Variants in PLXNB2 observed in about 807,000 individuals in gnomAD.
The protein encoded by PLXNB2 is plexin B2.
In PLXNB2, 85 loss-of-function variants were observed where a neutral mutation model predicts 202.6. That is an observed-to-expected ratio of 0.42 (90% CI 0.35 to 0.50). The LOEUF (loss-of-function observed/expected upper bound fraction) is 0.50. PLXNB2 is among the 20% of genes least tolerant of loss of function. PLXNB2 has a pLI of 0.02. For missense variants in PLXNB2, 2,063 were observed against 2,586.2 expected (o/e 0.80, Z 4.39); for synonymous variants, 1,239 against 1,137.6 (o/e 1.09, Z -1.79).
At chr22:50,278,401 G>C (rs1033899179) in intron 30 of PLXNB2, 34 bp downstream of exon 30, 1 of 1,559,258 alleles carries the variant, frequency 6.4e-7, no homozygotes, top group Non-Finnish European at 8.7e-7. Context: ...ACCACCAGGG[G>C]CTGGAAGGAA....
At chr22:50,301,936 T>A (rs1359893042) in intron 1 of PLXNB2, among the ~76,000 whole-genome samples, 2 of 152,190 alleles carry the variant, frequency 1.3e-5, no homozygotes, top group Non-Finnish European at 2.9e-5. Context: ...CATGGCTGGG[T>A]GCTGCCGGAA....
At position 50,279,010 on chromosome 22, in the gene PLXNB2, G is replaced by A. The variant is rs764957819; in HGVS notation, c.4391C>T (p.Thr1464Met). The change falls in exon 28 of 37, where the codon ACG becomes ATG. Residue 1464 changes from threonine (T) to methionine (M), a missense_variant and splice_region_variant. Physicochemically the swap from Thr to Met is moderately conservative, Grantham distance 81. Transcript: ENST00000359337. ...LGDDVEYAPL[T>M]VSVIVQDEGV... ...CTCGTCCTGCACGATCACGCTCACC[G>A]TCTGCCGAGACATCCGGGATGAAGC... 35 of 1,603,728 alleles carry A rather than the reference G, an allele frequency of 2.2e-5. No individual in the cohort carries two copies. The highest frequency in any genetic ancestry group is 6.7e-5 in the East Asian group (3 of 44,758).
At chr22:50,300,180 G>A (rs1465482526) in intron 1 of PLXNB2, 8 of 782,178 alleles carry the variant, frequency 1.0e-5, no homozygotes, top group Non-Finnish European at 1.1e-5. Context: ...CGGGGGCCCA[G>A]GACGCGCGGG....
At position 50,284,878 on chromosome 22, in the gene PLXNB2, G is replaced by GGT. The variant is rs554119304; in HGVS notation, c.2089-214_2089-213insAC. ...GCAGAAGCCTCTGAACGTCCTCTGTGGGTTTCCCACGGCCACCTCCACCAC... is the reference window on the plus strand; with the variant it reads ...GCAGAAGCCTCTGAACGTCCTCTGTGGTGGTTTCCCACGGCCACCTCCACCAC... On this transcript the variant is annotated intron_variant, in intron 11 of 36. Coordinates refer to ENST00000359337, the MANE Select transcript of PLXNB2 (RefSeq NM_012401.4). The surrounding 1 kb of genome is among the most constrained non-coding windows in gnomAD (Gnocchi z 8.0). 5.6e-4 allele frequency: 380 copies of GGT among 679,870 alleles called. 2 individuals carry two copies. Among genetic ancestry groups the GGT allele is most frequent in the Middle Eastern group, 1.7e-3 (7 of 4,146 alleles). 42.1% of individuals were successfully genotyped at this position (679,870 alleles called of 1,614,324 possible). A position where few individuals can be genotyped will look rare whatever the true frequency, so the allele number is the denominator to read the frequency against.
chr22:50,299,361 G>C (rs1412227672), intron 1 of PLXNB2, among the ~76,000 whole-genome samples: 2 of 151,956 alleles, frequency 1.3e-5, no homozygotes, highest in African/African-American at 4.8e-5. Context: ...GCGATAGGCT[G>C]CCCCAAGCAC....
chr22:50,279,111 G>A (rs2065814786), intron 27 of PLXNB2, 100 bp from the exon 28 acceptor site: 3 of 1,290,312 alleles, frequency 2.3e-6, no homozygotes, highest in South Asian at 3.0e-5. Context: ...CACCACAGCG[G>A]CACCCTTGGG....
rs953508419 is a variant in PLXNB2 at position 50,280,108 on chromosome 22, G to A, written c.4176-37C>T. The A allele has an allele frequency of 2.1e-5, 32 of 1,516,526 alleles. 1 individual carries two copies. Among genetic ancestry groups the A allele is most frequent in the South Asian group, 5.0e-5 (4 of 80,670 alleles). 93.9% of individuals were successfully genotyped at this position (1,516,526 alleles called of 1,614,324 possible). On this transcript the variant is annotated intron_variant, in intron 25 of 36. Coordinates refer to ENST00000359337, the MANE Select transcript of PLXNB2 (RefSeq NM_012401.4). Reference sequence around the variant, plus strand: ...GGGAGGCCTTGTACCGAGTGACCCCGTAGTATTCCTGAGGCCCAACTGACT... The same window carrying A: ...GGGAGGCCTTGTACCGAGTGACCCCATAGTATTCCTGAGGCCCAACTGACT...
chr22:50,290,610 A>G lies in PLXNB2; in HGVS notation c.-13-13T>C. 1 of 1,568,670 alleles carries G rather than the reference A, an allele frequency of 6.4e-7. No individual in the cohort carries two copies. Among genetic ancestry groups the G allele is most frequent in the Non-Finnish European group, 8.6e-7 (1 of 1,159,862 alleles). ...TGCCCCCCGCACCCTGTGGGAAGAG[A>G]GAAGGGTCAGGGGAGCCCCGACCCA... On this transcript the variant is annotated splice_polypyrimidine_tract_variant and intron_variant, in intron 2 of 36. Coordinates refer to ENST00000359337, the MANE Select transcript of PLXNB2 (RefSeq NM_012401.4).
chr22:50,284,213 G>C lies in PLXNB2; in HGVS notation c.2182C>G (p.Leu728Val). ...SGTFAFRTPK[L>V]SHDANETLPL... ...AGCGTCTCGTTGGCATCGTGGGACA[G>C]CTGGGGGACACGCAGGGGCACACTG... Residue 728 changes from leucine to valine, a missense_variant and splice_region_variant, in exon 13 of 37, where the codon CTG (leucine) becomes GTG (valine). Physicochemically the swap from Leu to Val is conservative, Grantham distance 32 (BLOSUM62 1). Coordinates refer to ENST00000359337, the MANE Select transcript of PLXNB2 (RefSeq NM_012401.4). The surrounding 1 kb of genome is among the most constrained non-coding windows in gnomAD (Gnocchi z 8.0). The C allele has an allele frequency of 6.2e-7, 1 of 1,612,704 alleles. No homozygotes were observed. Among genetic ancestry groups the C allele is most frequent in the Non-Finnish European group, 8.5e-7 (1 of 1,179,638 alleles).
At chr22:50,275,857 A>ACCTGCC (rs770422474) in intron 36 of PLXNB2, 32 bp downstream of exon 36, 1 of 1,604,030 alleles carries the variant, frequency 6.2e-7, no homozygotes, top group Non-Finnish European at 8.5e-7. Context: ...CCAGCACCCC[A>ACCTGCC]CCTGCCCCCG....
intron 27 of PLXNB2, 92 bp from the exon 28 acceptor site, chr22:50,279,103 C>T: frequency 2.9e-6 from 4 of 1,380,940 alleles, no homozygotes; most frequent in Non-Finnish European, 3.9e-6. Context: ...GCTTTGCCCA[C>T]CACAGCGGCA....
Position 50,280,545 on chromosome 22 carries a change from G to A in PLXNB2, c.4119C>T (p.Phe1373=). 6.2e-7 allele frequency: 1 copy of A among 1,612,018 alleles called. No homozygotes were observed. The part of the protein sequence containing the change: ...EYYTDIMHTL[F]LELLEQYVVA... Reference sequence around the variant, plus strand: ...CCACGTACTGCTCCAGGAGCTCCAGGAAGAGCGTGTGCATGATGTCCGTGT... The same window carrying A: ...CCACGTACTGCTCCAGGAGCTCCAGAAAGAGCGTGTGCATGATGTCCGTGT... The change falls in exon 25 of 37, where the codon TTC becomes TTT. Residue 1373 remains phenylalanine (F), a synonymous_variant. Transcript: ENST00000359337.
At position 50,282,738 on chromosome 22, in the gene PLXNB2, G is replaced by A. The variant is rs957289874; in HGVS notation, c.2960C>T (p.Ala987Val). 8.3e-6 allele frequency: 13 copies of A among 1,559,076 alleles called. No homozygotes were observed. The highest frequency in any genetic ancestry group is 1.7e-4 in the Middle Eastern group (1 of 5,894). ...FTYRENPVLR[A>V]FEPLRSFASG... is the part of the protein sequence containing the mutation. ...GGCAAAGCTTCGTAGCGGCTCGAAG[G>A]CTCGCAGTACGGGGTTTTCGCGGTA... Residue 987 changes from alanine to valine, a missense_variant, in exon 18 of 37, where the codon GCC becomes GTC. Around this residue, in one of 2 missense-constraint regions of PLXNB2, gnomAD observed 1,303 missense variants for 1,476.8 expected, o/e 0.88. Coordinates refer to ENST00000359337, the MANE Select transcript of PLXNB2 (RefSeq NM_012401.4).
At chr22:50,306,122 T>C (rs2067873452) in intron 1 of PLXNB2, among the ~76,000 whole-genome samples, 1 of 152,168 alleles carries the variant, frequency 6.6e-6, no homozygotes, top group African/African-American at 2.4e-5. Flanking sequence ...AATTCTTTCT[T>C]GGCAGGCAGC....
chr22:50,276,641 T>G lies in PLXNB2; in HGVS notation c.5325A>C (p.Ala1775=). 1 of 1,613,538 alleles carries G rather than the reference T, an allele frequency of 6.2e-7. No homozygotes were observed. Among genetic ancestry groups the G allele is most frequent in the Non-Finnish European group, 8.5e-7 (1 of 1,179,620 alleles). Residue 1775 remains alanine (A), a synonymous_variant, in exon 35 of 37, where the codon GCA becomes GCC. Transcript: ENST00000359337. ...GTGGTCTCCTTACCCGGGAAATCTC[T>G]GCCAGGTGTGTGTTCATGTCCTGGT... The part of the protein sequence containing the change: ...VSDQDMNTHL[A]EISRAHTDSL...
intron 2 of PLXNB2, among the ~76,000 whole-genome samples, chr22:50,293,746 C>T (rs958474816): frequency 7.2e-5 from 11 of 152,220 alleles, no homozygotes; most frequent in African/African-American, 2.7e-4. Context: ...TGGGCCCCCA[C>T]AAGCCACCCC....
At chr22:50,282,445 A>C (rs184568395) in intron 18 of PLXNB2, 132 bp from the exon 19 acceptor site, 13,439 of 856,602 alleles carry the variant, frequency 0.016, 105 homozygotes, top group Non-Finnish European at 0.019. Context: ...CGGTGGGCAA[A>C]GGGGCAACGC....
rs572728503 is a variant in PLXNB2 at position 50,275,210 on chromosome 22, C to T, written c.*494G>A. 3 of 339,464 alleles carry T rather than the reference C, an allele frequency of 8.8e-6. No individual in the cohort carries two copies. The Admixed American group carries it at 1.2e-4, about 14-fold the overall frequency. 21.0% of individuals were successfully genotyped at this position (339,464 alleles called of 1,614,324 possible). A position where few individuals can be genotyped will look rare whatever the true frequency, so the allele number is the denominator to read the frequency against. ...GTGAGTCCACCCAGAGTGCCGGCAC[C>T]CTTGGGGAGGCCGGTGAGGTCAGGA... On this transcript the variant is annotated 3_prime_UTR_variant, in exon 37 of 37. Coordinates refer to ENST00000359337, the MANE Select transcript of PLXNB2 (RefSeq NM_012401.4).
intron 1 of PLXNB2, among the ~76,000 whole-genome samples, chr22:50,301,654 G>A (rs1346299540): frequency 6.6e-6 from 1 of 152,126 alleles, no homozygotes; most frequent in African/African-American, 2.4e-5. Context: ...TCAGAGACCA[G>A]GTCCTGCCTG....
Sources: gnomAD v4.1 joint callset for allele counts (sites outside exome capture counted in the v4.1 genomes callset) on GRCh38, gnomAD v4.1.1 for gene constraint, gnomAD v4.1.1 regional missense constraint, Gnocchi (gnomAD v3.1) non-coding constraint, MANE v1.5 for transcripts, NCBI Gene and HGNC (gene_info 2026-07-23, HGNC 2026-07-21) for gene names.